Variants in GLI4 observed in about 807,000 individuals in gnomAD.
GLI4 encodes GLI family zinc finger 4.
GLI4 carries 34 observed loss-of-function variants against 30.9 expected under a neutral mutation model. The ratio of observed to expected loss-of-function variants is 1.10; its 90% CI spans 0.84 to 1.47. The LOEUF (loss-of-function observed/expected upper bound fraction) is 1.47. Among genes scored for constraint, GLI4 ranks in the 40% most tolerant of loss-of-function variants. GLI4 has a pLI of 0.00. For missense variants in GLI4, 696 were observed against 538.9 expected, an observed-to-expected ratio of 1.29 and a Z score of -2.89; for synonymous variants, 277 against 236.7, an observed-to-expected ratio of 1.17 and a Z score of -1.56.
chr8:143,273,043 A>G (rs1586727947), intron 2 of GLI4: 1 of 152,398 alleles, frequency 6.6e-6, no homozygotes, highest in Admixed American at 6.5e-5. Context: ...GTGCCAGGGC[A>G]TGGCCCCAGG....
In GLI4 at chr8:143,276,736, G is replaced by C; in HGVS notation, c.1063G>C (p.Ala355Pro). 1.2e-6 allele frequency: 2 copies of C among 1,608,670 alleles called. No homozygotes were observed. The highest frequency in any genetic ancestry group is 1.7e-5 in the Admixed American group (1 of 59,706). Residue 355 changes from alanine to proline, a missense_variant, in exon 4 of 4, where the codon GCC becomes CCC. Coordinates refer to ENST00000340042, the MANE Select transcript of GLI4 (RefSeq NM_138465.4). ...GGGCGAGAAGCCCTTCGCGTGTGGC[G>C]CCTGCGGCAAGGCCTTCGGCCAGAG... ...HTGEKPFACG[A>P]CGKAFGQSSQ... is the part of the protein sequence containing the mutation.
In GLI4 at chr8:143,276,529, C is replaced by A; in HGVS notation, c.856C>A (p.Gln286Lys). 1 of 1,612,908 alleles carries A rather than the reference C, an allele frequency of 6.2e-7. No homozygotes were observed. Among genetic ancestry groups the A allele is most frequent in the Non-Finnish European group, 8.5e-7 (1 of 1,179,836 alleles). Residue 286 changes from glutamine to lysine, a missense_variant, in exon 4 of 4, where the codon CAG becomes AAG. By Grantham distance (53) the Gln-to-Lys change is moderately conservative (BLOSUM62 1). Coordinates refer to ENST00000340042, the MANE Select transcript of GLI4 (RefSeq NM_138465.4). ...CCAGAGCTCCAACCTGGTGCGCCAC[C>A]AGCGGCTGCACACGGGTGAGAAGCC... ...FSQSSNLVRHQRLHTGEKPYA... is the reference protein window; with the variant it reads ...FSQSSNLVRHKRLHTGEKPYA...
At chr8:143,274,149 T>A (rs1196018253) in intron 2 of GLI4, among the ~76,000 whole-genome samples, 2 of 152,100 alleles carry the variant, frequency 1.3e-5, no homozygotes, top group Non-Finnish European at 2.9e-5. Context: ...TTCCTCAGGC[T>A]CTGCCTGAGG....
rs769558042 is a variant in GLI4, at chr8:143,276,543, G to A, written c.870G>A (p.Thr290=). 1.2e-6 allele frequency: 2 copies of A among 1,612,472 alleles called. No individual in the cohort carries two copies. Among genetic ancestry groups the A allele is most frequent in the South Asian group, 1.1e-5 (1 of 91,064 alleles). The change falls in exon 4 of 4, where the codon ACG becomes ACA. Residue 290 remains threonine (T), a synonymous_variant. Coordinates refer to ENST00000340042, the MANE Select transcript of GLI4 (RefSeq NM_138465.4). ...TGGTGCGCCACCAGCGGCTGCACAC[G>A]GGTGAGAAGCCCTACGCCTGCAGCC... ...SNLVRHQRLH[T]GEKPYACSQC... is the part of the protein sequence containing the mutation.
At chr8:143,269,226 C>T (rs954728814) in intron 1 of GLI4, 134 bp from the exon 2 acceptor site, 16 of 701,334 alleles carry the variant, frequency 2.3e-5, no homozygotes, top group Non-Finnish European at 3.7e-5. Context: ...GTGGGTTCAT[C>T]CTCCATCCTT....
At chr8:143,275,709 T>C (rs1815368499) in intron 3 of GLI4, 188 bp from the exon 4 acceptor site, 2 of 1,240,674 alleles carry the variant, frequency 1.6e-6, no homozygotes, top group East Asian at 6.3e-5. Flanking sequence ...CCCCTGTGTC[T>C]ATGTCAGCTC....
chr8:143,267,452 T>C lies in GLI4; in HGVS notation c.-70T>C, dbSNP rs533209731. On this transcript the variant is annotated 5_prime_UTR_variant, in exon 1 of 4. Coordinates refer to ENST00000340042, the MANE Select transcript of GLI4 (RefSeq NM_138465.4). ...AGTGGGGCGGGGCCGGACACTTCCGTCCGGCGCGCGGCGTCCTCCTCCCGC... is the reference window on the plus strand; with the variant it reads ...AGTGGGGCGGGGCCGGACACTTCCGCCCGGCGCGCGGCGTCCTCCTCCCGC... 2.6e-5 allele frequency: 26 copies of C among 984,624 alleles called. No individual in the cohort carries two copies. The highest frequency in any genetic ancestry group is 5.2e-4 in the Middle Eastern group (1 of 1,910). The allele number at this position is 984,624 out of a possible 1,614,324, so 61.0% of individuals were successfully genotyped here.
At chr8:143,275,588 T>G in intron 3 of GLI4, 3 of 1,247,682 alleles carry the variant, frequency 2.4e-6, no homozygotes, top group Non-Finnish European at 3.0e-6. Flanking sequence ...TCCTCCTGGC[T>G]AAGGGTGACC....
chr8:143,274,928 T>TGGCATC, intron 3 of GLI4, 126 bp downstream of exon 3: 1 of 1,475,872 alleles, frequency 6.8e-7, no homozygotes. Context: ...TTTTCTTCCC[T>TGGCATC]GGCATCAGCT....
rs1815363397 is a variant in GLI4 at position 143,275,486 on chromosome 8, C to G, written c.224-411C>G. 3 of 1,321,152 alleles carry G rather than the reference C, an allele frequency of 2.3e-6. No homozygotes were observed. The Admixed American group carries it at 1.1e-4, about 47-fold the overall frequency. The allele number at this position is 1,321,152 out of a possible 1,614,324, so 81.8% of individuals were successfully genotyped here. On this transcript the variant is annotated intron_variant, in intron 3 of 3. Transcript: ENST00000340042. Reference sequence around the variant, plus strand: ...GGGGCAGCCCCATGAGGAGCTGTGCCCATATGGACCACATCCTCGGCAAGG... The same window carrying G: ...GGGGCAGCCCCATGAGGAGCTGTGCGCATATGGACCACATCCTCGGCAAGG...
chr8:143,270,849 G>A (rs1216467033), intron 2 of GLI4, among the ~76,000 whole-genome samples: 1 of 152,212 alleles, frequency 6.6e-6, no homozygotes, highest in Non-Finnish European at 1.5e-5. Flanking sequence ...GATCATCTTG[G>A]CACAGCACAG....
In GLI4 at chr8:143,269,359, G is replaced by C; in HGVS notation, c.-37-1G>C. The C allele has an allele frequency of 6.3e-7, 1 of 1,597,800 alleles. No homozygotes were observed. Among genetic ancestry groups the C allele is most frequent in the Non-Finnish European group, 8.5e-7 (1 of 1,170,436 alleles). On this transcript the variant is annotated splice_acceptor_variant, in intron 1 of 3. Coordinates refer to ENST00000340042, the MANE Select transcript of GLI4 (RefSeq NM_138465.4). LOFTEE classifies it low-confidence loss of function (5UTR_SPLICE). The stretch of plus-strand genomic sequence containing the variant: ...TCTGCCATGGTTTTCATTTTCCCCA[G>C]GTCCCAGGTGTGACACCTTCAGCAG...
At chr8:143,267,842 C>T (rs1815171798) in intron 1 of GLI4, 3 of 985,286 alleles carry the variant, frequency 3.0e-6, no homozygotes, top group African/African-American at 1.7e-5. Context: ...ACCCCAGCGC[C>T]GCACCGCCGG....
At chr8:143,271,278 G>A (rs1178317553) in intron 2 of GLI4, among the ~76,000 whole-genome samples, 2 of 151,968 alleles carry the variant, frequency 1.3e-5, no homozygotes, top group Admixed American at 1.3e-4. Flanking sequence ...TTGTGGCTGA[G>A]GCACAGCGGG....
rs757453066 is a variant in GLI4 at position 143,269,521 on chromosome 8, G to A, written c.124+1G>A. On this transcript the variant is annotated splice_donor_variant, in intron 2 of 3. Coordinates refer to ENST00000340042, the MANE Select transcript of GLI4 (RefSeq NM_138465.4). LOFTEE classifies it high-confidence loss of function. Reference sequence around the variant, plus strand: ...CTTCACCTCCATGGGCATCAACATGGTACTCACCCAGCCCGCTGTGCGCCC... The same window carrying A: ...CTTCACCTCCATGGGCATCAACATGATACTCACCCAGCCCGCTGTGCGCCC... The A allele has an allele frequency of 6.2e-7, 1 of 1,612,260 alleles. No individual in the cohort carries two copies. The highest frequency in any genetic ancestry group is 8.5e-7 in the Non-Finnish European group (1 of 1,178,892).
Position 143,275,989 on chromosome 8 carries a change from A to G in GLI4, c.316A>G (p.Ser106Gly), listed in dbSNP as rs1039989603. ...AGGALRSLLR[S>G]LPRRARCSAG... ...CGGGGCGCTGCGCAGCCTCCTGAGG[A>G]GCCTTCCCCGCAGGGCCCGGTGCAG... Residue 106 changes from serine (S) to glycine (G), a missense_variant, in exon 4 of 4, where the codon AGC becomes GGC. Transcript: ENST00000340042. 4 of 1,401,404 alleles carry G rather than the reference A, an allele frequency of 2.9e-6. No individual in the cohort carries two copies. Among genetic ancestry groups the G allele is most frequent in the Non-Finnish European group, 3.7e-6 (4 of 1,080,916 alleles). The allele number at this position is 1,401,404 out of a possible 1,614,324, so 86.8% of individuals were successfully genotyped here. A position where few individuals can be genotyped will look rare whatever the true frequency, so the allele number is the denominator to read the frequency against.
intron 3 of GLI4, chr8:143,275,224 T>TGGA: frequency 6.5e-7 from 1 of 1,533,926 alleles, no homozygotes; most frequent in Non-Finnish European, 8.7e-7. Flanking sequence ...GTTGGAGCTG[T>TGGA]GTCCAGGTCC....
intron 3 of GLI4, chr8:143,275,273 T>C (rs1815358727): frequency 6.7e-7 from 1 of 1,503,580 alleles, no homozygotes; most frequent in African/African-American, 1.4e-5. Flanking sequence ...GGGTTCCCTC[T>C]GGGCGATGTT....
rs555524897 is a variant in GLI4, at chr8:143,276,027, G to T, written c.354G>T (p.Gly118=). The change falls in exon 4 of 4, where the codon GGG becomes GGT. Residue 118 remains glycine, a synonymous_variant. Coordinates refer to ENST00000340042, the MANE Select transcript of GLI4 (RefSeq NM_138465.4). ...PRRARCSAGF[G]PESSAERPAG... ...GGGCCCGGTGCAGCGCCGGCTTCGG[G>T]CCTGAATCCAGCGCGGAGCGGCCGG... The T allele has an allele frequency of 5.0e-4, 698 of 1,400,232 alleles. No individual in the cohort carries two copies. Among genetic ancestry groups the T allele is most frequent in the Non-Finnish European group, 6.2e-4 (674 of 1,080,324 alleles). 86.7% of individuals were successfully genotyped at this position (1,400,232 alleles called of 1,614,324 possible).
Sources: gnomAD v4.1 joint callset for allele counts (sites outside exome capture counted in the v4.1 genomes callset) on GRCh38, gnomAD v4.1.1 for gene constraint, MANE v1.5 for transcripts, NCBI Gene and HGNC (gene_info 2026-07-23, HGNC 2026-07-21) for gene names.